Variants in FBXO16 observed in about 807,000 individuals in gnomAD.
FBXO16 encodes the protein F-box protein 16.
FBXO16 carries 31 observed loss-of-function variants against 41.0 expected under a neutral mutation model. The ratio of observed to expected loss-of-function variants is 0.76; its 90% confidence interval spans 0.57 to 1.02. FBXO16 has a LOEUF of 1.02. FBXO16 is among the 50% of genes least tolerant of loss of function. The pLI, the probability that FBXO16 is intolerant of heterozygous loss-of-function variation, is 0.00. For missense variants in FBXO16, 361 were observed against 346.2 expected, an observed-to-expected ratio of 1.04 and a Z score of -0.34; for synonymous variants, 133 against 117.8, an observed-to-expected ratio of 1.13 and a Z score of -0.84.
chr8:28,452,962 C>G (rs532465608), intron 5 of FBXO16, among the ~76,000 whole-genome samples: 1 of 152,104 alleles, frequency 6.6e-6, no homozygotes, highest in East Asian at 1.9e-4. Flanking sequence ...TTGCCATCAT[C>G]ATCACCATCA....
At chr8:28,445,732 C>T (rs890089045) in intron 7 of FBXO16, among the ~76,000 whole-genome samples, 1 of 152,188 alleles carries the variant, frequency 6.6e-6, no homozygotes, top group Non-Finnish European at 1.5e-5. Context: ...TTTAAAGAAG[C>T]TCATCTCTCT....
intron 7 of FBXO16, among the ~76,000 whole-genome samples, chr8:28,433,085 C>A (rs866287591): frequency 7.0e-6 from 1 of 142,486 alleles, no homozygotes; most frequent in South Asian, 2.5e-4. Flanking sequence ...AAACAAAAAA[C>A]AAACAAACAA....
At chr8:28,457,198 A>G (rs146847129) in intron 4 of FBXO16, among the ~76,000 whole-genome samples, 7 of 152,318 alleles carry the variant, frequency 4.6e-5, no homozygotes, top group African/African-American at 1.7e-4. Context: ...AATTATCTTC[A>G]TAGCAACCTA....
chr8:28,451,499 A>C (rs1460793177), intron 6 of FBXO16, among the ~76,000 whole-genome samples: 6 of 149,918 alleles, frequency 4.0e-5, no homozygotes, highest in Admixed American at 2.7e-4. Context: ...TGCCATGATT[A>C]CCGACACATG....
chr8:28,484,844 T>A (rs922695102), intron 1 of FBXO16, among the ~76,000 whole-genome samples: 1 of 150,498 alleles, frequency 6.6e-6, no homozygotes. Context: ...CCACCCCCCC[T>A]GGGCCTCCCA....
Position 28,436,279 on chromosome 8 carries a change from C to G in FBXO16, c.844-6876G>C, listed in dbSNP as rs547370124. On this transcript the variant is annotated intron_variant, in intron 7 of 8. Coordinates refer to ENST00000380254, the MANE Select transcript of FBXO16 (RefSeq NM_172366.4). Reference sequence around the variant, plus strand: ...CTGCTGTCTCCTGTCTGCTCAGGAGCCCAGAAAGCTGCTCAGTCCTGTAGG... The same window carrying G: ...CTGCTGTCTCCTGTCTGCTCAGGAGGCCAGAAAGCTGCTCAGTCCTGTAGG... Among the ~76,000 whole-genome samples, 10 of 152,264 alleles carry G rather than the reference C, an allele frequency of 6.6e-5. No individual in the cohort carries two copies. The East Asian group carries it at 1.5e-3, about 24-fold the overall frequency.
At chr8:28,443,213 T>C (rs952787962) in intron 7 of FBXO16, among the ~76,000 whole-genome samples, 1 of 151,942 alleles carries the variant, frequency 6.6e-6, no homozygotes, top group Non-Finnish European at 1.5e-5. Context: ...ATTGTAGAGA[T>C]GGGATTTTGC....
intron 7 of FBXO16, among the ~76,000 whole-genome samples, chr8:28,440,910 C>T (rs898075695): frequency 6.6e-6 from 1 of 152,072 alleles, no homozygotes; most frequent in East Asian, 1.9e-4. Flanking sequence ...AAGGAAAAAA[C>T]AAAGAAAAGA....
chr8:28,484,507 C>T (rs999825327), intron 1 of FBXO16, among the ~76,000 whole-genome samples: 1 of 152,218 alleles, frequency 6.6e-6, no homozygotes, highest in African/African-American at 2.4e-5. Context: ...GTAGCCTGTC[C>T]TTCCCCAGCC....
chr8:28,454,530 C>A (rs751716740), intron 5 of FBXO16, among the ~76,000 whole-genome samples: 7 of 151,264 alleles, frequency 4.6e-5, no homozygotes, highest in Non-Finnish European at 8.8e-5. Context: ...AGATCGAGAC[C>A]ATCCTGGCTA....
chr8:28,457,709 G>A (rs1027890497), intron 4 of FBXO16, among the ~76,000 whole-genome samples: 4 of 152,168 alleles, frequency 2.6e-5, no homozygotes, highest in African/African-American at 9.7e-5. Context: ...AATTCAAGAA[G>A]AGACATAGGT....
intron 2 of FBXO16, among the ~76,000 whole-genome samples, chr8:28,479,977 C>G (rs1479027945): frequency 1.3e-5 from 2 of 151,892 alleles, no homozygotes; most frequent in Non-Finnish European, 2.9e-5. Flanking sequence ...CTCAAGCGAT[C>G]CACCGGCCTC....
chr8:28,434,960 T>C (rs1338850542), intron 7 of FBXO16, among the ~76,000 whole-genome samples: 3 of 152,212 alleles, frequency 2.0e-5, no homozygotes, highest in Non-Finnish European at 4.4e-5. Flanking sequence ...TTAGCTCTTT[T>C]AGTTCCGTTG....
chr8:28,443,695 T>G (rs925815147), intron 7 of FBXO16, among the ~76,000 whole-genome samples: 15 of 151,888 alleles, frequency 9.9e-5, no homozygotes, highest in African/African-American at 3.4e-4. Context: ...GCATTCTAAG[T>G]CACAGGATGA....
rs374916629 is a variant in FBXO16 at position 28,463,686 on chromosome 8, T to C, written c.268A>G (p.Thr90Ala). 21 of 1,614,116 alleles carry C rather than the reference T, an allele frequency of 1.3e-5. No individual in the cohort carries two copies. The African/African-American group carries it at 2.1e-4, about 16-fold the overall frequency. Reference sequence around the variant, plus strand: ...AAAGATAACACCCTTGGAAGCTTGGTTGTAAAGTCCAGGGCTTCTGCTGGA... The same window carrying C: ...AAAGATAACACCCTTGGAAGCTTGGCTGTAAAGTCCAGGGCTTCTGCTGGA... ...KIPAEALDFT[T>A]KLPRVLSLYI... Residue 90 changes from threonine to alanine, a missense_variant, in exon 4 of 9, where the codon ACC (threonine) becomes GCC (alanine). Transcript: ENST00000380254.
chr8:28,489,071 A>G (rs1445763357), intron 1 of FBXO16, among the ~76,000 whole-genome samples: 2 of 152,170 alleles, frequency 1.3e-5, no homozygotes, highest in Non-Finnish European at 2.9e-5. Flanking sequence ...TTTAAGGATT[A>G]AAACTTGTAG....
At chr8:28,444,335 C>T (rs1333551939) in intron 7 of FBXO16, among the ~76,000 whole-genome samples, 2 of 145,208 alleles carry the variant, frequency 1.4e-5, no homozygotes, top group African/African-American at 5.2e-5. Flanking sequence ...CGGAGTCTTG[C>T]TCTGTCACCC....
chr8:28,486,902 G>T (rs1280395859), intron 1 of FBXO16, among the ~76,000 whole-genome samples: 1 of 151,996 alleles, frequency 6.6e-6, no homozygotes, highest in African/African-American at 2.4e-5. Flanking sequence ...GAGCTACATG[G>T]CTCTTGAAGA....
At chr8:28,483,994 C>T (rs1405802461) in intron 1 of FBXO16, among the ~76,000 whole-genome samples, 1 of 152,146 alleles carries the variant, frequency 6.6e-6, no homozygotes, top group East Asian at 1.9e-4. Context: ...TGGGTTTTAA[C>T]TCATTTTACA....
Sources: allele counts gnomAD v4.1 joint callset (sites outside exome capture counted in the v4.1 genomes callset), GRCh38; gene constraint gnomAD v4.1.1; transcripts MANE v1.5; gene names NCBI Gene and HGNC (gene_info 2026-07-23, HGNC 2026-07-21).